Variants in CGNL1 observed in about 807,000 individuals in gnomAD.
The protein encoded by CGNL1 is cingulin like 1, also known as cingulin-like protein 1.
A neutral mutation model predicts 141.2 loss-of-function variants in CGNL1; 132 were observed. That is an observed-to-expected ratio of 0.93 (90% CI 0.81 to 1.08). CGNL1 has a LOEUF of 1.08. Ranked by LOEUF, CGNL1 falls within the 50% of genes least tolerant of loss-of-function variation. The pLI, the probability that CGNL1 is intolerant of heterozygous loss-of-function variation, is 0.00. For missense variants in CGNL1, 1,870 were observed against 1,588.6 expected, an observed-to-expected ratio of 1.18 and a Z score of -3.01; for synonymous variants, 690 against 622.1, an observed-to-expected ratio of 1.11 and a Z score of -1.63.
intron 1 of CGNL1, chr15:57,398,426 T>C (rs1317208963): frequency 6.6e-6 from 1 of 152,152 alleles, no homozygotes; most frequent in Non-Finnish European, 1.5e-5. Context: ...TTGGTGTTAT[T>C]ATAGGTTTGT....
At chr15:57,542,743 T>G (rs1398999427) in intron 14 of CGNL1, among the ~76,000 whole-genome samples, 2 of 152,188 alleles carry the variant, frequency 1.3e-5, no homozygotes, top group Non-Finnish European at 2.9e-5. Flanking sequence ...GCTCCCCCAT[T>G]CCTCGTTATG....
At chr15:57,388,761 G>GA (rs2062511001) in intron 1 of CGNL1, among the ~76,000 whole-genome samples, 1 of 152,100 alleles carries the variant, frequency 6.6e-6, no homozygotes, top group South Asian at 2.1e-4. Context: ...GTTCTCCGAG[G>GA]GAGAGAATAA....
rs1260227629 is a variant in CGNL1, at chr15:57,513,278, GTGTGTGTGTGTGTGTGTT to G, written c.2404-3495_2404-3478del. Among the ~76,000 whole-genome samples, 985 of 117,086 alleles carry G rather than the reference GTGTGTGTGTGTGTGTGTT, an allele frequency of 8.4e-3. 33 individuals are homozygous for G. The highest frequency in any genetic ancestry group is 0.067 in the Admixed American group (773 of 11,572). The allele number at this position is 117,086 out of a possible 152,430, so 76.8% of individuals were successfully genotyped here. On this transcript the variant is annotated intron_variant, in intron 8 of 18. Transcript: ENST00000281282. ...GGTGTGTGTGTGTGTGTGTGTGTGT[GTGTGTGTGTGTGTGTGTT>G]TGTGTGATTGGCTTCTTTAGGATAA...
At position 57,429,611 on chromosome 15, in the gene CGNL1, T is replaced by A. The variant is rs139313598; in HGVS notation, c.-15-8374T>A. On this transcript the variant is annotated intron_variant, in intron 1 of 18. Transcript: ENST00000281282. ...ACAAATATTTATTAAATCTCCGCTA[T>A]GGACATAGCATTGTACTTTAGATTC... Among the ~76,000 whole-genome samples, 995 of 152,374 alleles carry A rather than the reference T, an allele frequency of 6.5e-3. 16 individuals are homozygous for A. Among genetic ancestry groups the A allele is most frequent in the African/African-American group, 0.023 (945 of 41,580 alleles).
chr15:57,523,429 C>A, intron 10 of CGNL1, 60 bp from the exon 11 acceptor site: 1 of 1,544,974 alleles, frequency 6.5e-7, no homozygotes. Context: ...CCTGTGCCAC[C>A]CGTTCCTGTG....
At chr15:57,511,645 G>A (rs928336070) in intron 8 of CGNL1, among the ~76,000 whole-genome samples, 4 of 152,138 alleles carry the variant, frequency 2.6e-5, no homozygotes, top group Admixed American at 2.0e-4. Context: ...CTTTTGATGT[G>A]GCTGCCTCAT....
rs149223292 is a variant in CGNL1, at chr15:57,496,950, T to G, written c.2404-19830T>G. On this transcript the variant is annotated intron_variant, in intron 8 of 18. Transcript: ENST00000281282. The stretch of plus-strand genomic sequence containing the variant: ...GGGGCCAGGCACAGCAACAGCTCTG[T>G]GGTTGCTGAGTCCGGCAATGCTGAG... Among the ~76,000 whole-genome samples the G allele has an allele frequency of 5.4e-4, 82 of 152,232 alleles. 3 individuals are homozygous for G. In the East Asian group the frequency reaches 0.015, roughly 28 times the overall value.
chr15:57,533,626 A>G (rs1483656462), intron 14 of CGNL1, among the ~76,000 whole-genome samples: 1 of 152,208 alleles, frequency 6.6e-6, no homozygotes, highest in Non-Finnish European at 1.5e-5. Flanking sequence ...TATATCAGAA[A>G]CAAAACACAG....
intron 1 of CGNL1, among the ~76,000 whole-genome samples, chr15:57,432,010 C>T (rs1259025895): frequency 6.6e-6 from 1 of 152,258 alleles, no homozygotes; most frequent in Non-Finnish European, 1.5e-5. Context: ...CATCACCTCT[C>T]TACCCACTGT....
intron 14 of CGNL1, among the ~76,000 whole-genome samples, chr15:57,537,156 A>G (rs2032304614): frequency 6.6e-6 from 1 of 152,242 alleles, no homozygotes; most frequent in Non-Finnish European, 1.5e-5. Flanking sequence ...TATGGAGACC[A>G]TGATGACCCA....
intron 8 of CGNL1, among the ~76,000 whole-genome samples, chr15:57,513,296 T>TGTGTGTGTGTGTGTG (rs1567162891): frequency 1.7e-5 from 1 of 60,448 alleles, no homozygotes; most frequent in Non-Finnish European, 3.2e-5. Flanking sequence ...GTGTGTGTGT[T>TGTGTGTGTGTGTGTG]TGTGTGATTG....
chr15:57,538,014 C>T (rs1409192511), intron 14 of CGNL1, among the ~76,000 whole-genome samples: 1 of 91,868 alleles, frequency 1.1e-5, no homozygotes, highest in East Asian at 2.3e-4. Context: ...CTCCCCGCCA[C>T]CCCCCGCCCC....
chr15:57,403,721 C>T (rs908245012), intron 1 of CGNL1, among the ~76,000 whole-genome samples: 1 of 152,226 alleles, frequency 6.6e-6, no homozygotes, highest in African/African-American at 2.4e-5. Context: ...CTGGAAAATA[C>T]TCAATCTAAA....
At chr15:57,451,114 G>A (rs937651209) in intron 4 of CGNL1, among the ~76,000 whole-genome samples, 15 of 152,174 alleles carry the variant, frequency 9.9e-5, no homozygotes, top group Admixed American at 1.3e-4. Context: ...TTATTATGGA[G>A]AGGCTTTTTA....
At chr15:57,538,796 G>A (rs1255591833) in intron 14 of CGNL1, among the ~76,000 whole-genome samples, 2 of 152,146 alleles carry the variant, frequency 1.3e-5, no homozygotes, top group Non-Finnish European at 2.9e-5. Flanking sequence ...TTCTCCTTCT[G>A]GGCTCCACAG....
At chr15:57,506,262 C>T (rs764915493) in intron 8 of CGNL1, among the ~76,000 whole-genome samples, 4 of 152,212 alleles carry the variant, frequency 2.6e-5, no homozygotes, top group East Asian at 1.9e-4. Context: ...GAGTCCCTTC[C>T]GCCAGCCAGC....
chr15:57,444,018 C>G lies in CGNL1; in HGVS notation c.1803+1540C>G, dbSNP rs79738329. Among the ~76,000 whole-genome samples, 691 of 152,280 alleles carry G rather than the reference C, an allele frequency of 4.5e-3. 3 individuals carry two copies. Among genetic ancestry groups the G allele is most frequent in the African/African-American group, 0.016 (666 of 41,552 alleles). Reference sequence around the variant, plus strand: ...TCTGTACAGTTCATTGAATTTTTAACATAGTTTTGCATCCATGCAAATCTC... The same window carrying G: ...TCTGTACAGTTCATTGAATTTTTAAGATAGTTTTGCATCCATGCAAATCTC... On this transcript the variant is annotated intron_variant, in intron 4 of 18. Coordinates refer to ENST00000281282, the MANE Select transcript of CGNL1 (RefSeq NM_032866.5).
At chr15:57,478,575 T>A (rs1446800401) in intron 8 of CGNL1, among the ~76,000 whole-genome samples, 1 of 152,176 alleles carries the variant, frequency 6.6e-6, no homozygotes, top group Non-Finnish European at 1.5e-5. Context: ...TGGAAAGCTG[T>A]TAATAGCTTA....
In CGNL1 at chr15:57,550,185, G is replaced by A. The variant is rs17820443; in HGVS notation, c.*2695G>A. 2 of 152,248 alleles carry A rather than the reference G, an allele frequency of 1.3e-5. No individual in the cohort carries two copies. The highest frequency in any genetic ancestry group is 4.8e-5 in the African/African-American group (2 of 41,432). 9.4% of individuals were successfully genotyped at this position (152,248 alleles called of 1,614,324 possible). On this transcript the variant is annotated 3_prime_UTR_variant, in exon 19 of 19. Coordinates refer to ENST00000281282, the MANE Select transcript of CGNL1 (RefSeq NM_032866.5). ...CTCTGAGGGAGTTGGCAACGCATGC[G>A]GTATAGTGGAGTGGGAAGAGTTGAG... is the stretch of plus-strand genomic sequence containing the variant.
Sources: allele counts gnomAD v4.1 joint callset (sites outside exome capture counted in the v4.1 genomes callset), GRCh38; gene constraint gnomAD v4.1.1; transcripts MANE v1.5; gene names NCBI Gene and HGNC (gene_info 2026-07-23, HGNC 2026-07-21).